The following PROSER2 variants were observed in gnomAD, a reference collection of about 807,000 sequenced individuals.
The protein encoded by PROSER2 is proline and serine-rich protein 2.
Under a neutral mutation model 14.6 loss-of-function variants are expected in PROSER2, and 18 were observed. The ratio of observed to expected loss-of-function variants is 1.23; its 90% confidence interval spans 0.85 to 1.83. The LOEUF (loss-of-function observed/expected upper bound fraction) is 1.83. Ranked by LOEUF, PROSER2 falls within the 40% of genes most tolerant of loss-of-function variation. The pLI is 0.00. For synonymous variants in PROSER2, 367 were observed against 286.4 expected (o/e 1.28, Z -2.84); for missense variants, 823 against 629.8 (o/e 1.31, Z -3.28).
chr10:11,864,675 G>A (rs1393203784), intron 2 of PROSER2, among the ~76,000 whole-genome samples: 1 of 147,692 alleles, frequency 6.8e-6, no homozygotes, highest in African/African-American at 2.5e-5. Context: ...TGCAACCTCT[G>A]CCTCCCAGGT....
intron 1 of PROSER2, among the ~76,000 whole-genome samples, chr10:11,840,605 T>G (rs565310821): frequency 6.6e-6 from 1 of 152,222 alleles, no homozygotes; most frequent in African/African-American, 2.4e-5. Context: ...CTTTGGGTTT[T>G]GGTGTCAAGG....
intron 1 of PROSER2, among the ~76,000 whole-genome samples, chr10:11,832,735 C>CCA (rs543498629): frequency 2.5e-3 from 384 of 152,268 alleles, no homozygotes; most frequent in African/African-American, 9.0e-3. Context: ...GGGATAATAA[C>CCA]CACACTGATG....
rs1218783017 is a variant in PROSER2, at chr10:11,865,688, C to T, written c.139-843C>T. 6.6e-6 allele frequency among the ~76,000 whole-genome samples: 1 copy of T among 152,220 alleles called. No individual in the cohort carries two copies. Among genetic ancestry groups the T allele is most frequent in the African/African-American group, 2.4e-5 (1 of 41,462 alleles). ...CAGTCCTCCATCTGGAGGGCGGTCA[C>T]TTGGCTGCACTGACAGCCCACACTG... On this transcript the variant is annotated intron_variant, in intron 2 of 3. Transcript: ENST00000277570. The surrounding 1 kb of genome is among the most constrained non-coding windows in gnomAD (Gnocchi z 4.2).
rs558283551 is a variant in PROSER2 at position 11,842,931 on chromosome 10, C to CTTTTTTTTTTTTTTTTTTTTTTTTTT, written c.-81-9064_-81-9039dup. On this transcript the variant is annotated intron_variant, in intron 1 of 3. Transcript: ENST00000277570. ...TTTTCTATACTATTTTGCCATTGTT[C>CTTTTTTTTTTTTTTTTTTTTTTTTTT]TTTTTTTTTTTTTTTTTTTTTTTTT... 5.2e-4 allele frequency among the ~76,000 whole-genome samples: 27 copies of CTTTTTTTTTTTTTTTTTTTTTTTTTT among 51,952 alleles called. 3 individuals carry two copies. Among genetic ancestry groups the CTTTTTTTTTTTTTTTTTTTTTTTTTT allele is most frequent in the South Asian group, 1.0e-3 (1 of 978 alleles). The allele number at this position is 51,952 out of a possible 152,430, so 34.1% of individuals were successfully genotyped here.
chr10:11,856,658 C>T lies in PROSER2; in HGVS notation c.138+4443C>T, dbSNP rs1241669659. On this transcript the variant is annotated intron_variant, in intron 2 of 3. Coordinates refer to ENST00000277570, the MANE Select transcript of PROSER2 (RefSeq NM_153256.4). This position sits in a 1 kb window ranked among gnomAD's most constrained non-coding sequence, Gnocchi z 5.3. ...TGTCTCGAATCCCCCTCTCCCTACG[C>T]CCACAAGTGCTGTGGCCCTGAAGTC... Among the ~76,000 whole-genome samples, 1 of 152,208 alleles carries T rather than the reference C, an allele frequency of 6.6e-6. No homozygotes were observed. The highest frequency in any genetic ancestry group is 6.5e-5 in the Admixed American group (1 of 15,282).
Position 11,856,232 on chromosome 10 carries a change from G to A in PROSER2, c.138+4017G>A, listed in dbSNP as rs1834120568. ...GACAGCTCTCCTCTCCATGGCTGCT[G>A]CAGGCGGCTCTGGGTGTTTGGTTAC... On this transcript the variant is annotated intron_variant, in intron 2 of 3. Transcript: ENST00000277570. This position sits in a 1 kb window ranked among gnomAD's most constrained non-coding sequence, Gnocchi z 5.3. 6.6e-6 allele frequency among the ~76,000 whole-genome samples: 1 copy of A among 152,190 alleles called. No individual in the cohort carries two copies. Among genetic ancestry groups the A allele is most frequent in the Non-Finnish European group, 1.5e-5 (1 of 68,030 alleles).
At chr10:11,852,484 G>A (rs1443699787) in intron 2 of PROSER2, among the ~76,000 whole-genome samples, 1 of 152,016 alleles carries the variant, frequency 6.6e-6, no homozygotes, top group Non-Finnish European at 1.5e-5. Context: ...GCCCGGGGCA[G>A]AAACCAACCC....
chr10:11,844,725 G>A (rs1588488729), intron 1 of PROSER2, among the ~76,000 whole-genome samples: 1 of 152,172 alleles, frequency 6.6e-6, no homozygotes, highest in Non-Finnish European at 1.5e-5. Context: ...GGGTTCAAGC[G>A]ATTCTCCCAC....
At chr10:11,850,600 A>T (rs945664607) in intron 1 of PROSER2, 1 of 152,184 alleles carries the variant, frequency 6.6e-6, no homozygotes, top group Non-Finnish European at 1.5e-5. Context: ...AACTTTATGT[A>T]TATGCATATC....
At chr10:11,853,160 A>G (rs1834060062) in intron 2 of PROSER2, among the ~76,000 whole-genome samples, 1 of 152,174 alleles carries the variant, frequency 6.6e-6, no homozygotes, top group Non-Finnish European at 1.5e-5. Flanking sequence ...AGATACACTG[A>G]GCCATAAAAT....
At position 11,836,308 on chromosome 10, in the gene PROSER2, C is replaced by T. The variant is rs1021521110; in HGVS notation, c.-82+12838C>T. Among the ~76,000 whole-genome samples the T allele has an allele frequency of 7.2e-5, 11 of 152,026 alleles. No homozygotes were observed. The highest frequency in any genetic ancestry group is 2.4e-4 in the African/African-American group (10 of 41,398). ...ACCTTCCAGGTTCAAGCGATTCTCC[C>T]ATCTCAGCTTCCCAAGTAGTTGGGA... On this transcript the variant is annotated intron_variant, in intron 1 of 3. Coordinates refer to ENST00000277570, the MANE Select transcript of PROSER2 (RefSeq NM_153256.4). The surrounding 1 kb of genome is among the most constrained non-coding windows in gnomAD (Gnocchi z 4.6).
chr10:11,869,335 C>G lies in PROSER2; in HGVS notation c.392-155C>G. 2 of 632,794 alleles carry G rather than the reference C, an allele frequency of 3.2e-6. No individual in the cohort carries two copies. The highest frequency in any genetic ancestry group is 5.7e-6 in the Non-Finnish European group (2 of 349,924). 39.2% of individuals were successfully genotyped at this position (632,794 alleles called of 1,614,324 possible). On this transcript the variant is annotated intron_variant, in intron 3 of 3. Coordinates refer to ENST00000277570, the MANE Select transcript of PROSER2 (RefSeq NM_153256.4). This position sits in a 1 kb window ranked among gnomAD's most constrained non-coding sequence, Gnocchi z 4.4. ...ACATACCACCTTCTCCTTCCCTAGTCCCAGGAACAGGGAGAGAGGAGTTGA... is the reference window on the plus strand; with the variant it reads ...ACATACCACCTTCTCCTTCCCTAGTGCCAGGAACAGGGAGAGAGGAGTTGA...
Position 11,872,263 on chromosome 10 carries a change from A to G in PROSER2, c.*1857A>G, listed in dbSNP as rs1238157539. 4 of 152,230 alleles carry G rather than the reference A, an allele frequency of 2.6e-5. No homozygotes were observed. Among genetic ancestry groups the G allele is most frequent in the Non-Finnish European group, 5.9e-5 (4 of 68,046 alleles). The allele number at this position is 152,230 out of a possible 1,614,324, so 9.4% of individuals were successfully genotyped here. On this transcript the variant is annotated 3_prime_UTR_variant, in exon 4 of 4. Coordinates refer to ENST00000277570, the MANE Select transcript of PROSER2 (RefSeq NM_153256.4). The stretch of plus-strand genomic sequence containing the variant: ...ATCACATTTTTGAAAAATAAATTTA[A>G]GAGTTTTTTCTTAAGTAAGCTTGTT...
rs1457852657 is a variant in PROSER2 at position 11,869,208 on chromosome 10, G to T, written c.392-282G>T. ...CGTCCTGTCCCAGCCTCAGGGGCTG[G>T]AGCCTCAGCAGCCCACATGGACGGA... On this transcript the variant is annotated intron_variant, in intron 3 of 3. Coordinates refer to ENST00000277570, the MANE Select transcript of PROSER2 (RefSeq NM_153256.4). The surrounding 1 kb of genome is among the most constrained non-coding windows in gnomAD (Gnocchi z 4.4). Among the ~76,000 whole-genome samples the T allele has an allele frequency of 6.6e-6, 1 of 152,196 alleles. No individual in the cohort carries two copies. Among genetic ancestry groups the T allele is most frequent in the East Asian group, 1.9e-4 (1 of 5,196 alleles).
intron 2 of PROSER2, among the ~76,000 whole-genome samples, chr10:11,853,579 T>C (rs1834070100): frequency 6.6e-6 from 1 of 151,926 alleles, no homozygotes; most frequent in South Asian, 2.1e-4. Flanking sequence ...AGAACGAGAC[T>C]CCATCTCAAA....
At chr10:11,824,314 AT>A (rs1266907781) in intron 1 of PROSER2, among the ~76,000 whole-genome samples, 1 of 152,216 alleles carries the variant, frequency 6.6e-6, no homozygotes, top group African/African-American at 2.4e-5. Context: ...TCTGGCTCCA[AT>A]TTTAACGGAG....
rs1008216195 is a variant in PROSER2, at chr10:11,870,307, G to A, written c.1209G>A (p.Arg403=). The change falls in exon 4 of 4, where the codon CGG becomes CGA. Residue 403 remains arginine, a synonymous_variant. Transcript: ENST00000277570. ...GGCGCCGCGCAGACTCCCTGCCCCG[G>A]CCCCAGGGCATCACCGTGCAGTTCG... The part of the protein sequence containing the change: ...QDWRRADSLP[R]PQGITVQFAG... 6 of 1,494,680 alleles carry A rather than the reference G, an allele frequency of 4.0e-6. No individual in the cohort carries two copies. The African/African-American group carries it at 7.3e-5, about 18-fold the overall frequency. The allele number at this position is 1,494,680 out of a possible 1,614,324, so 92.6% of individuals were successfully genotyped here.
In PROSER2 at chr10:11,870,224, A is replaced by G; in HGVS notation, c.1126A>G (p.Ser376Gly). The G allele has an allele frequency of 6.7e-7, 1 of 1,490,534 alleles. No homozygotes were observed. The highest frequency in any genetic ancestry group is 8.9e-7 in the Non-Finnish European group (1 of 1,127,646). 92.3% of individuals were successfully genotyped at this position (1,490,534 alleles called of 1,614,324 possible). ...CTTCCGCCCTGGCCCGGCCCTGCCC[A>G]GCACGCGGGCCCGTCAGAGCTTCCC... ...LCFRPGPALP[S>G]TRARQSFPGP... The change falls in exon 4 of 4, where the codon AGC (serine) becomes GGC (glycine). Residue 376 changes from serine to glycine, a missense_variant. Coordinates refer to ENST00000277570, the MANE Select transcript of PROSER2 (RefSeq NM_153256.4).
chr10:11,867,851 G>A (rs1047138558), intron 3 of PROSER2, among the ~76,000 whole-genome samples: 6 of 152,128 alleles, frequency 3.9e-5, no homozygotes, highest in Non-Finnish European at 7.4e-5. Context: ...TTTTTTCCCC[G>A]ATTGGAAAGG....
Sources: allele counts gnomAD v4.1 joint callset (sites outside exome capture counted in the v4.1 genomes callset), GRCh38; gene constraint gnomAD v4.1.1; non-coding constraint Gnocchi (gnomAD v3.1); transcripts MANE v1.5; gene names NCBI Gene and HGNC (gene_info 2026-07-23, HGNC 2026-07-21).